Variants in CDHR5 observed in about 807,000 individuals in gnomAD.
CDHR5 encodes cadherin related family member 5, also known as cadherin-related family member 5.
Under a neutral mutation model 69.5 loss-of-function variants are expected in CDHR5, and 82 were observed. The ratio of observed to expected loss-of-function variants is 1.18; its 90% confidence interval spans 0.99 to 1.42. The LOEUF is 1.42. Among genes scored for constraint, CDHR5 ranks in the 40% most tolerant of loss-of-function variants. The probability of loss-of-function intolerance (pLI) is 0.00; values close to 1 mark genes in which losing one functional copy is unlikely to be tolerated. For synonymous variants in CDHR5, 601 were observed against 510.2 expected (o/e 1.18, Z -2.40); for missense variants, 1,293 against 1,168.9 (o/e 1.11, Z -1.55).
chr11:621,616 A>C lies in CDHR5; in HGVS notation c.453T>G (p.Ala151=), dbSNP rs1424319586. Residue 151 remains alanine, a synonymous_variant, in exon 5 of 15, where the codon GCT becomes GCG. Transcript: ENST00000397542. This position sits in a 1 kb window ranked among gnomAD's most constrained non-coding sequence, Gnocchi z 4.4. The part of the protein sequence containing the change: ...STVIPETQLQ[A]EDRDKDDILF... The stretch of plus-strand genomic sequence containing the variant: ...GAATGTCGTCCTTGTCGCGGTCCTC[A>C]GCCTGCAGTTGCGTCTCGGGGATGA... The C allele has an allele frequency of 6.2e-7, 1 of 1,613,272 alleles. No individual in the cohort carries two copies. Among genetic ancestry groups the C allele is most frequent in the Non-Finnish European group, 8.5e-7 (1 of 1,179,728 alleles).
At chr11:618,488 T>G in intron 13 of CDHR5, 111 bp downstream of exon 13, 3 of 1,288,238 alleles carry the variant, frequency 2.3e-6, no homozygotes, top group Non-Finnish European at 3.3e-6. Context: ...AGACTCCTCT[T>G]TGGGATTTCA....
Position 619,592 on chromosome 11 carries a change from A to ACAGGGTCTCATTGAGTCCCCGGC in CDHR5, c.1180-28_1180-6dup. The ACAGGGTCTCATTGAGTCCCCGGC allele has an allele frequency of 1.2e-6, 2 of 1,608,952 alleles. No homozygotes were observed. The highest frequency in any genetic ancestry group is 2.2e-5 in the East Asian group (1 of 44,866). ...TGTGATGGCCGAGTTGAGGTCCTGG[A>ACAGGGTCTCATTGAGTCCCCGGC]CAGGGTCTCATTGAGTCCCCGGCCA... On this transcript the variant is annotated splice_polypyrimidine_tract_variant and splice_region_variant and intron_variant, in intron 10 of 14. Transcript: ENST00000397542.
At position 621,748 on chromosome 11, in the gene CDHR5, C is replaced by T. The variant is rs973295470; in HGVS notation, c.405+64G>A. The T allele has an allele frequency of 2.6e-6, 4 of 1,562,896 alleles. No homozygotes were observed. The highest frequency in any genetic ancestry group is 1.4e-5 in the African/African-American group (1 of 73,774). On this transcript the variant is annotated intron_variant, in intron 4 of 14. Transcript: ENST00000397542. This position sits in a 1 kb window ranked among gnomAD's most constrained non-coding sequence, Gnocchi z 4.4. The stretch of plus-strand genomic sequence containing the variant: ...GGTTGAGCCCCCGGCCACCACTCAC[C>T]TCCTGCCCTCACCCTGGGCTCCCAC...
chr11:618,472 CCAAA>C (rs1857121597), intron 13 of CDHR5, 123 bp downstream of exon 13: 2 of 1,172,334 alleles, frequency 1.7e-6, no homozygotes. Context: ...TCTGTCAGTC[CCAAA>C]CAGACTCCTC....
rs759237179 is a variant in CDHR5 at position 619,470 on chromosome 11, G to C, written c.1293+4C>G. 1.2e-6 allele frequency: 2 copies of C among 1,608,568 alleles called. No individual in the cohort carries two copies. Among genetic ancestry groups the C allele is most frequent in the Non-Finnish European group, 1.7e-6 (2 of 1,175,268 alleles). Reference sequence around the variant, plus strand: ...TGGAGATGCCCGCCTGCCCTGCCCCGCACCTCTGCGTAGAAGGCTCCCGCC... The same window carrying C: ...TGGAGATGCCCGCCTGCCCTGCCCCCCACCTCTGCGTAGAAGGCTCCCGCC... On this transcript the variant is annotated splice_donor_region_variant and intron_variant, in intron 11 of 14. Transcript: ENST00000397542.
rs563495946 is a variant in CDHR5 at position 617,144 on chromosome 11, G to A, written c.*207C>T. On this transcript the variant is annotated 3_prime_UTR_variant, in exon 15 of 15. Coordinates refer to ENST00000397542, the MANE Select transcript of CDHR5 (RefSeq NM_021924.5). ...GCAGCCTTGGGGTGGGGACAGCGTG[G>A]CCAGACCCACCGCCTCATCTGCACA... 5 of 585,372 alleles carry A rather than the reference G, an allele frequency of 8.5e-6. No homozygotes were observed. The highest frequency in any genetic ancestry group is 4.3e-5 in the South Asian group (2 of 46,002). The allele number at this position is 585,372 out of a possible 1,614,324, so 36.3% of individuals were successfully genotyped here. A position where few individuals can be genotyped will look rare whatever the true frequency, so the allele number is the denominator to read the frequency against.
Position 618,762 on chromosome 11 carries a change from C to T in CDHR5, c.1797G>A (p.Gly599=). The T allele has an allele frequency of 1.9e-6, 3 of 1,603,554 alleles. No individual in the cohort carries two copies. Among genetic ancestry groups the T allele is most frequent in the Non-Finnish European group, 2.5e-6 (3 of 1,177,840 alleles). ...STSHQPATPG[G]GTAQTPEAGT... is the part of the protein sequence containing the mutation. Reference sequence around the variant, plus strand: ...CTGCCTCTGGGGTCTGTGCTGTGCCCCCACCGGGTGTGGCTGGTTGGTGGG... The same window carrying T: ...CTGCCTCTGGGGTCTGTGCTGTGCCTCCACCGGGTGTGGCTGGTTGGTGGG... Residue 599 remains glycine, a synonymous_variant, in exon 13 of 15, where the codon GGG becomes GGA. Coordinates refer to ENST00000397542, the MANE Select transcript of CDHR5 (RefSeq NM_021924.5).
Position 618,886 on chromosome 11 carries a change from C to T in CDHR5, c.1673G>A (p.Ser558Asn). ...GGGTGTGGCTGGTTGGTGGGAGGTG[C>T]TGGTTCCCACACCGGGGGGCATCGG... ...SQPMPPGVGT[S>N]TSHQPATPSG... The change falls in exon 13 of 15, where the codon AGC (serine) becomes AAC (asparagine). Residue 558 changes from serine to asparagine, a missense_variant. Transcript: ENST00000397542. 1 of 1,607,094 alleles carries T rather than the reference C, an allele frequency of 6.2e-7. No individual in the cohort carries two copies. The highest frequency in any genetic ancestry group is 8.5e-7 in the Non-Finnish European group (1 of 1,178,122).
Position 621,161 on chromosome 11 carries a change from C to T in CDHR5, c.708G>A (p.Trp236Ter). 6.2e-7 allele frequency: 1 copy of T among 1,604,942 alleles called. No individual in the cohort carries two copies. Among genetic ancestry groups the T allele is most frequent in the Non-Finnish European group, 8.5e-7 (1 of 1,175,282 alleles). The stretch of plus-strand genomic sequence containing the variant: ...CATCTGAGAAGGTGCAGGGCAGGAA[C>T]CACGGGGGCCGCAGGTCGGCGGGCA... ...NVVPADLRPP[W>*]FLPCTFSDGY... The change falls in exon 7 of 15, where the codon TGG becomes TGA. Residue 236 changes from tryptophan to a stop codon, truncating the protein, a stop_gained. Transcript: ENST00000397542. LOFTEE classifies it high-confidence loss of function. This position sits in a 1 kb window ranked among gnomAD's most constrained non-coding sequence, Gnocchi z 4.4.
chr11:621,016 C>T lies in CDHR5; in HGVS notation c.789+64G>A. 1 of 1,054,280 alleles carries T rather than the reference C, an allele frequency of 9.5e-7. No individual in the cohort carries two copies. The highest frequency in any genetic ancestry group is 2.7e-5 in the East Asian group (1 of 37,398). 65.3% of individuals were successfully genotyped at this position (1,054,280 alleles called of 1,614,324 possible). On this transcript the variant is annotated intron_variant, in intron 7 of 14. Coordinates refer to ENST00000397542, the MANE Select transcript of CDHR5 (RefSeq NM_021924.5). This position sits in a 1 kb window ranked among gnomAD's most constrained non-coding sequence, Gnocchi z 4.4. ...CCCGCCCTTCCTCTCCTGATCCTGG[C>T]CGTCCCTGTGTCCAGCCTGCCTAGA...
Position 618,668 on chromosome 11 carries a change from C to T in CDHR5, c.1891G>A (p.Gly631Ser). The change falls in exon 13 of 15, where the codon GGC (glycine) becomes AGC (serine). Residue 631 changes from glycine (G) to serine (S), a missense_variant. Transcript: ENST00000397542. ...CCTGGCTCTGGGGTCTGTGCTGTGCCCCCACCGGGTGTGGTTGGTTGGTGG... is the reference window on the plus strand; with the variant it reads ...CCTGGCTCTGGGGTCTGTGCTGTGCTCCCACCGGGTGTGGTTGGTTGGTGG... Reference protein sequence around the residue: ...TSHQPTTPGGGTAQTPEPGTS... With the variant: ...TSHQPTTPGGSTAQTPEPGTS... The T allele has an allele frequency of 6.3e-7, 1 of 1,591,998 alleles. No individual in the cohort carries two copies. Among genetic ancestry groups the T allele is most frequent in the Non-Finnish European group, 8.6e-7 (1 of 1,167,476 alleles).
Position 616,950 on chromosome 11 carries a change from T to C in CDHR5, c.*401A>G. 1.4e-5 allele frequency: 3 copies of C among 208,878 alleles called. No homozygotes were observed. Among genetic ancestry groups the C allele is most frequent in the South Asian group, 1.1e-4 (1 of 9,238 alleles). The allele number at this position is 208,878 out of a possible 1,614,324, so 12.9% of individuals were successfully genotyped here. On this transcript the variant is annotated 3_prime_UTR_variant, in exon 15 of 15. Coordinates refer to ENST00000397542, the MANE Select transcript of CDHR5 (RefSeq NM_021924.5). Reference sequence around the variant, plus strand: ...CTCCCCAGGCAATCTCTGTGTAGGGTCGGGAGCGGGAGGTCTGAGATGAGC... The same window carrying C: ...CTCCCCAGGCAATCTCTGTGTAGGGCCGGGAGCGGGAGGTCTGAGATGAGC...
intron 7 of CDHR5, among the ~76,000 whole-genome samples, chr11:620,752 C>T (rs1460175572): frequency 6.6e-6 from 1 of 152,084 alleles, no homozygotes; most frequent in African/African-American, 2.4e-5. Flanking sequence ...TGCAGACAGC[C>T]TGTGTGGGCC....
rs549775836 is a variant in CDHR5, at chr11:619,334, T to C, written c.1350A>G (p.Gln450=). ...SGTATTVIEI[Q]VSEQEPPSTD... is the part of the protein sequence containing the mutation. Reference sequence around the variant, plus strand: ...TGGAGGGGGGCTCCTGTTCGGAAACTTGTATCTCAATGACTGTGGTTGCGG... The same window carrying C: ...TGGAGGGGGGCTCCTGTTCGGAAACCTGTATCTCAATGACTGTGGTTGCGG... Residue 450 remains glutamine, a synonymous_variant, in exon 12 of 15, where the codon CAA becomes CAG. Coordinates refer to ENST00000397542, the MANE Select transcript of CDHR5 (RefSeq NM_021924.5). The C allele has an allele frequency of 1.2e-5, 19 of 1,613,342 alleles. No homozygotes were observed. The African/African-American group carries it at 2.5e-4, about 22-fold the overall frequency.
Position 621,281 on chromosome 11 carries a change from T to C in CDHR5, c.619-31A>G. On this transcript the variant is annotated intron_variant, in intron 6 of 14. Coordinates refer to ENST00000397542, the MANE Select transcript of CDHR5 (RefSeq NM_021924.5). The surrounding 1 kb of genome is among the most constrained non-coding windows in gnomAD (Gnocchi z 4.4). Reference sequence around the variant, plus strand: ...ACAGACGGCTGTGCTGGATCAGGCCTGGGAGCAGCTGGGGCCGGGGGGCCT... The same window carrying C: ...ACAGACGGCTGTGCTGGATCAGGCCCGGGAGCAGCTGGGGCCGGGGGGCCT... 8 of 1,609,858 alleles carry C rather than the reference T, an allele frequency of 5.0e-6. No individual in the cohort carries two copies. Among genetic ancestry groups the C allele is most frequent in the Non-Finnish European group, 6.8e-6 (8 of 1,177,564 alleles).
chr11:621,874 G>A lies in CDHR5; in HGVS notation c.343C>T (p.Leu115=). The change falls in exon 4 of 15, where the codon CTG becomes TTG. Residue 115 remains leucine (L), a synonymous_variant. Transcript: ENST00000397542. This position sits in a 1 kb window ranked among gnomAD's most constrained non-coding sequence, Gnocchi z 4.4. ...TCGGGGGCATTGTCATTGACGTCCA[G>A]CACTGACACGAACACCCTTAGCTGG... The part of the protein sequence containing the change: ...VTQLRVFVSV[L]DVNDNAPEFP... 3 of 1,613,564 alleles carry A rather than the reference G, an allele frequency of 1.9e-6. No homozygotes were observed. The highest frequency in any genetic ancestry group is 1.1e-5 in the South Asian group (1 of 91,082).
At chr11:619,268 G>T (rs202143188) in intron 12 of CDHR5, 38 bp downstream of exon 12, 6 of 1,531,242 alleles carry the variant, frequency 3.9e-6, no homozygotes, top group Non-Finnish European at 4.5e-6. Flanking sequence ...GGGCTTATTT[G>T]GAGAACCCTG....
rs776280915 is a variant in CDHR5 at position 619,803 on chromosome 11, G to A, written c.1057C>T (p.Arg353Cys). 19 of 1,599,344 alleles carry A rather than the reference G, an allele frequency of 1.2e-5. No individual in the cohort carries two copies. Among genetic ancestry groups the A allele is most frequent in the Admixed American group, 1.7e-5 (1 of 58,788 alleles). ...EAVAAAGSPP[R>C]FPQRLYRGTV... ...CCACGATACAGTCTCTGGGGGAAGC[G>A]GGGCGGGCTCCCGGCCGCAGCCACA... The change falls in exon 10 of 15, where the codon CGC becomes TGC. Residue 353 changes from arginine to cysteine, a missense_variant. Coordinates refer to ENST00000397542, the MANE Select transcript of CDHR5 (RefSeq NM_021924.5).
Position 618,831 on chromosome 11 carries a change from T to C in CDHR5, c.1728A>G (p.Pro576=), listed in dbSNP as rs1439557511. The stretch of plus-strand genomic sequence containing the variant: ...TGGGGGGCATCGGCTGAGAGGTTCC[T>C]GGCTCTGGGGTCTGTGCTGTGCCCC... ...PSGGTAQTPE[P]GTSQPMPPSM... Residue 576 remains proline, a synonymous_variant, in exon 13 of 15, where the codon CCA becomes CCG. Transcript: ENST00000397542. 3.1e-6 allele frequency: 5 copies of C among 1,610,046 alleles called. No individual in the cohort carries two copies. The highest frequency in any genetic ancestry group is 1.4e-5 in the African/African-American group (1 of 73,270).
Sources: gnomAD v4.1 joint callset for allele counts (sites outside exome capture counted in the v4.1 genomes callset) on GRCh38, gnomAD v4.1.1 for gene constraint, Gnocchi (gnomAD v3.1) non-coding constraint, MANE v1.5 for transcripts, NCBI Gene and HGNC (gene_info 2026-07-23, HGNC 2026-07-21) for gene names.